HNRNPC: variants seen among roughly 807,000 people sequenced by gnomAD.
HNRNPC encodes heterogeneous nuclear ribonucleoproteins C1/C2.
HNRNPC carries 3 observed loss-of-function variants against 33.2 expected under a neutral mutation model. The ratio of observed to expected loss-of-function variants is 0.09; its 90% CI spans 0.04 to 0.23. The LOEUF (loss-of-function observed/expected upper bound fraction) is 0.23, where lower values mean the gene tolerates loss of function less well. Among genes scored for constraint, HNRNPC ranks in the 10% least tolerant of loss-of-function variants. The pLI, the probability that HNRNPC is intolerant of heterozygous loss-of-function variation, is 1.00. For missense variants in HNRNPC, 143 were observed against 366.7 expected (o/e 0.39, Z 4.98); for synonymous variants, 121 against 126.7 (o/e 0.96, Z 0.30).
chr14:21,233,307 T>C (rs765537827), intron 3 of HNRNPC, among the ~76,000 whole-genome samples: 5 of 152,210 alleles, frequency 3.3e-5, no homozygotes, highest in Non-Finnish European at 7.4e-5. Flanking sequence ...TGAGTCAATA[T>C]ACATAGTAGA....
At chr14:21,257,771 A>G (rs1186746366) in intron 2 of HNRNPC, among the ~76,000 whole-genome samples, 1 of 152,030 alleles carries the variant, frequency 6.6e-6, no homozygotes, top group Non-Finnish European at 1.5e-5. Flanking sequence ...GGCTCTTGCT[A>G]TGTTGCCAGA....
At chr14:21,246,203 A>G (rs2138856506) in intron 2 of HNRNPC, among the ~76,000 whole-genome samples, 1 of 152,072 alleles carries the variant, frequency 6.6e-6, no homozygotes, top group Non-Finnish European at 1.5e-5. Context: ...ACGGCTCTAT[A>G]TTTTTCTTTG....
chr14:21,225,722 T>C (rs941552302), intron 5 of HNRNPC, among the ~76,000 whole-genome samples: 2 of 152,106 alleles, frequency 1.3e-5, no homozygotes, highest in Non-Finnish European at 2.9e-5. Flanking sequence ...TCAATTGTAA[T>C]GTCGCATCCA....
chr14:21,267,095 CAAAAAAAAAAAAA>C (rs56203257), intron 1 of HNRNPC, among the ~76,000 whole-genome samples: 5 of 104,048 alleles, frequency 4.8e-5, no homozygotes, highest in Admixed American at 1.0e-4. Flanking sequence ...GACTCCGTCT[CAAAAAAAAAAAAA>C]AAAAAAAAAA....
At chr14:21,237,267 T>C (rs1894799967) in intron 2 of HNRNPC, among the ~76,000 whole-genome samples, 2 of 152,178 alleles carry the variant, frequency 1.3e-5, no homozygotes, top group Non-Finnish European at 2.9e-5. Flanking sequence ...TTAAAATAAT[T>C]CTAATGCCTA....
At chr14:21,225,726 G>A (rs575519428) in intron 5 of HNRNPC, among the ~76,000 whole-genome samples, 3 of 152,052 alleles carry the variant, frequency 2.0e-5, no homozygotes, top group East Asian at 3.9e-4. Context: ...TTGTAATGTC[G>A]CATCCATTTT....
chr14:21,240,315 T>C lies in HNRNPC; in HGVS notation c.-36-6086A>G, dbSNP rs541020418. ...TGTAAATTTTATTTCCAACTGTTCA[T>C]TGTAAGTGTGAGGTGCTATCATGCC... On this transcript the variant is annotated intron_variant, in intron 2 of 8. Coordinates refer to ENST00000553300, the MANE Select transcript of HNRNPC (RefSeq NM_004500.4). Among the ~76,000 whole-genome samples, 9 of 152,324 alleles carry C rather than the reference T, an allele frequency of 5.9e-5. No individual in the cohort carries two copies. In the South Asian group the frequency reaches 6.2e-4, roughly 11 times the overall value.
At chr14:21,246,387 G>GTC (rs1266862136) in intron 2 of HNRNPC, among the ~76,000 whole-genome samples, 1 of 151,882 alleles carries the variant, frequency 6.6e-6, no homozygotes, top group East Asian at 1.9e-4. Flanking sequence ...GTGAAACTCC[G>GTC]TCTCTACTAA....
chr14:21,218,340 A>G (rs1396846117), intron 5 of HNRNPC, among the ~76,000 whole-genome samples: 3 of 152,034 alleles, frequency 2.0e-5, no homozygotes, highest in Non-Finnish European at 4.4e-5. Context: ...GTTGATCTTT[A>G]CCAAAGATAA....
intron 2 of HNRNPC, among the ~76,000 whole-genome samples, chr14:21,245,690 A>G (rs1895905967): frequency 6.6e-6 from 1 of 152,084 alleles, no homozygotes; most frequent in African/African-American, 2.4e-5. Flanking sequence ...TTTGTAAAAC[A>G]AATTTTTCTT....
chr14:21,241,153 G>A (rs892948888), intron 2 of HNRNPC, among the ~76,000 whole-genome samples: 6 of 151,414 alleles, frequency 4.0e-5, no homozygotes, highest in East Asian at 1.9e-4. Context: ...CCAGCTACTC[G>A]GGGGGCTGAG....
At chr14:21,262,742 A>AT (rs1364433897) in intron 2 of HNRNPC, 1 of 152,202 alleles carries the variant, frequency 6.6e-6, no homozygotes, top group South Asian at 2.1e-4. Context: ...GCAGGATGGG[A>AT]TTTCAAGGGA....
At chr14:21,237,785 T>C (rs1188637832) in intron 2 of HNRNPC, among the ~76,000 whole-genome samples, 1 of 152,148 alleles carries the variant, frequency 6.6e-6, no homozygotes, top group African/African-American at 2.4e-5. Context: ...TTTTTTTAAT[T>C]TTTTTGAGTT....
intron 2 of HNRNPC, among the ~76,000 whole-genome samples, chr14:21,247,754 A>C (rs923901433): frequency 1.2e-4 from 18 of 151,628 alleles, no homozygotes; most frequent in Admixed American, 2.6e-4. Context: ...GTTCAAGACC[A>C]GCTTGACTAA....
intron 5 of HNRNPC, among the ~76,000 whole-genome samples, chr14:21,214,343 G>A (rs913560075): frequency 4.6e-5 from 7 of 152,272 alleles, no homozygotes; most frequent in South Asian, 4.1e-4. Flanking sequence ...TCTTCCTGTA[G>A]TGAAAACATT....
chr14:21,257,699 C>T (rs1299155432), intron 2 of HNRNPC, among the ~76,000 whole-genome samples: 6 of 152,162 alleles, frequency 3.9e-5, no homozygotes, highest in Non-Finnish European at 7.3e-5. Context: ...AATTCTACCG[C>T]CTCAGCCTCC....
At chr14:21,239,381 G>A (rs1895089513) in intron 2 of HNRNPC, among the ~76,000 whole-genome samples, 1 of 152,130 alleles carries the variant, frequency 6.6e-6, no homozygotes, top group Non-Finnish European at 1.5e-5. Flanking sequence ...TCGGGAGGCT[G>A]AGGCAGGAAA....
chr14:21,243,783 T>C (rs1895636963), intron 2 of HNRNPC, among the ~76,000 whole-genome samples: 2 of 152,160 alleles, frequency 1.3e-5, no homozygotes, highest in East Asian at 1.9e-4. Context: ...TTTATATAAA[T>C]CTGTGACAAA....
intron 5 of HNRNPC, among the ~76,000 whole-genome samples, chr14:21,225,809 C>T (rs1893354860): frequency 2.0e-5 from 3 of 152,094 alleles, no homozygotes; most frequent in Admixed American, 2.0e-4. Context: ...TTTATTAGTT[C>T]TGCAATATCA....
Sources: gnomAD v4.1 joint callset for allele counts (sites outside exome capture counted in the v4.1 genomes callset) on GRCh38, gnomAD v4.1.1 for gene constraint, MANE v1.5 for transcripts, NCBI Gene and HGNC (gene_info 2026-07-23, HGNC 2026-07-21) for gene names.